PLD5: variants seen among roughly 807,000 people sequenced by gnomAD.
PLD5 encodes the protein inactive phospholipase D5.
Under a neutral mutation model 61.1 loss-of-function variants are expected in PLD5, and 36 were observed. The ratio of observed to expected loss-of-function variants is 0.59; its 90% CI spans 0.45 to 0.78. PLD5 has a LOEUF of 0.78. Among genes scored for constraint, PLD5 ranks in the 30% least tolerant of loss-of-function variants. The pLI is 0.00. For missense variants in PLD5, 515 were observed against 644.4 expected (o/e 0.80, Z 2.17); for synonymous variants, 243 against 242.8 (o/e 1.00, Z -0.01).
At chr1:242,518,051 T>C (rs1190981238) in intron 1 of PLD5, among the ~76,000 whole-genome samples, 1 of 152,184 alleles carries the variant, frequency 6.6e-6, no homozygotes, top group African/African-American at 2.4e-5. Flanking sequence ...AATATATTTA[T>C]CACCCAACGG....
At chr1:242,418,059 G>T (rs1664925928) in intron 1 of PLD5, among the ~76,000 whole-genome samples, 1 of 152,166 alleles carries the variant, frequency 6.6e-6, no homozygotes, top group Admixed American at 6.5e-5. Flanking sequence ...CAATCCAGGG[G>T]AGAAACATAA....
At chr1:242,426,028 C>G (rs1665403731) in intron 1 of PLD5, among the ~76,000 whole-genome samples, 1 of 152,176 alleles carries the variant, frequency 6.6e-6, no homozygotes, top group South Asian at 2.1e-4. Flanking sequence ...AATACAAACA[C>G]ATTGTACTGT....
chr1:242,365,889 A>G (rs1661314767), intron 1 of PLD5: 1 of 152,816 alleles, frequency 6.5e-6, no homozygotes, highest in Non-Finnish European at 1.5e-5. Flanking sequence ...AAGCTCATTC[A>G]AAAAAGATAG....
At chr1:242,170,457 A>T (rs1233698674) in intron 5 of PLD5, among the ~76,000 whole-genome samples, 1 of 152,226 alleles carries the variant, frequency 6.6e-6, no homozygotes, top group Non-Finnish European at 1.5e-5. Context: ...GGGAGAAACC[A>T]GTGCAAAAAT....
chr1:242,353,814 T>C (rs1660604280), intron 1 of PLD5, among the ~76,000 whole-genome samples: 1 of 152,140 alleles, frequency 6.6e-6, no homozygotes, highest in Non-Finnish European at 1.5e-5. Context: ...TTATACTTTT[T>C]GGTGTAAAAG....
chr1:242,248,268 G>C (rs1400667308), intron 4 of PLD5, among the ~76,000 whole-genome samples: 2 of 152,156 alleles, frequency 1.3e-5, no homozygotes, highest in Non-Finnish European at 2.9e-5. Context: ...TTTAAGCTAT[G>C]TATTCATCTC....
chr1:242,278,894 G>C (rs1674559194), intron 3 of PLD5, among the ~76,000 whole-genome samples: 2 of 152,180 alleles, frequency 1.3e-5, no homozygotes, highest in Admixed American at 1.3e-4. Context: ...GCAGGGAATA[G>C]ATGTTACTTT....
chr1:242,175,044 TAAAA>T (rs200603553), intron 5 of PLD5, among the ~76,000 whole-genome samples: 18 of 150,874 alleles, frequency 1.2e-4, no homozygotes, highest in African/African-American at 2.2e-4. Flanking sequence ...AGTATAATAA[TAAAA>T]AAAAACTATT....
rs1427250523 is a variant in PLD5 at position 242,256,293 on chromosome 1, G to A, written c.607+9044C>T. Among the ~76,000 whole-genome samples, 1 of 152,146 alleles carries A rather than the reference G, an allele frequency of 6.6e-6. No homozygotes were observed. The highest frequency in any genetic ancestry group is 1.5e-5 in the Non-Finnish European group (1 of 68,026). ...AAAAGTAACAGAAAGGAAACAATAT[G>A]GATAAAAAGATAGGGAAATCTAGAA... On this transcript the variant is annotated intron_variant, in intron 4 of 9. Coordinates refer to ENST00000536534, the MANE Select transcript of PLD5 (RefSeq NM_001372062.1). The surrounding 1 kb of genome is among the most constrained non-coding windows in gnomAD (Gnocchi z 5.7).
intron 4 of PLD5, among the ~76,000 whole-genome samples, chr1:242,247,742 A>G (rs1288150491): frequency 6.6e-6 from 1 of 152,080 alleles, no homozygotes; most frequent in African/African-American, 2.4e-5. Flanking sequence ...TTTTACTTCT[A>G]GTTTACAGTG....
intron 5 of PLD5, among the ~76,000 whole-genome samples, chr1:242,149,004 TTC>T (rs2148812480): frequency 6.6e-6 from 1 of 152,098 alleles, no homozygotes; most frequent in Admixed American, 6.5e-5. Flanking sequence ...TGCCTTTTAT[TTC>T]TTTTTCTTGC....
chr1:242,372,128 A>G lies in PLD5; in HGVS notation c.190-23886T>C, dbSNP rs536430410. ...ACCTTACATCACTGAAGGAATAAAA[A>G]TGTAGCCTGCAGCTCCTGTATATTC... On this transcript the variant is annotated intron_variant, in intron 1 of 9. Transcript: ENST00000536534. Among the ~76,000 whole-genome samples, 3 of 152,292 alleles carry G rather than the reference A, an allele frequency of 2.0e-5. No homozygotes were observed. In the East Asian group the frequency reaches 5.8e-4, roughly 29 times the overall value.
At chr1:242,134,768 G>C (rs1663573298) in intron 5 of PLD5, among the ~76,000 whole-genome samples, 1 of 152,146 alleles carries the variant, frequency 6.6e-6, no homozygotes, top group Non-Finnish European at 1.5e-5. Flanking sequence ...ACAGCAGTGG[G>C]AGCAACAAGG....
chr1:242,100,655 C>T lies in PLD5; in HGVS notation c.1354+13G>A. 2 of 1,605,484 alleles carry T rather than the reference C, an allele frequency of 1.2e-6. No homozygotes were observed. The highest frequency in any genetic ancestry group is 2.2e-5 in the South Asian group (2 of 90,884). Reference sequence around the variant, plus strand: ...GACCCCCACCCAAGGAGCTTCACAGCCCTGACACCTACCAATATAAGCTGC... The same window carrying T: ...GACCCCCACCCAAGGAGCTTCACAGTCCTGACACCTACCAATATAAGCTGC... On this transcript the variant is annotated intron_variant, in intron 9 of 9. Transcript: ENST00000536534.
intron 1 of PLD5, among the ~76,000 whole-genome samples, chr1:242,402,913 T>C (rs2149279952): frequency 6.6e-6 from 1 of 152,258 alleles, no homozygotes; most frequent in African/African-American, 2.4e-5. Flanking sequence ...TAGAAGTAAT[T>C]TACTGCAGCA....
chr1:242,241,423 A>G (rs1391111503), intron 4 of PLD5, among the ~76,000 whole-genome samples: 1 of 152,212 alleles, frequency 6.6e-6, no homozygotes, highest in African/African-American at 2.4e-5. Context: ...AAAACCTCTG[A>G]ACACTATGTT....
At chr1:242,121,348 G>A (rs1662345511) in intron 6 of PLD5, among the ~76,000 whole-genome samples, 1 of 152,128 alleles carries the variant, frequency 6.6e-6, no homozygotes, top group African/African-American at 2.4e-5. Context: ...TATAATAGAA[G>A]GGAGTTCAAG....
At chr1:242,143,278 C>G (rs1365618649) in intron 5 of PLD5, among the ~76,000 whole-genome samples, 1 of 151,934 alleles carries the variant, frequency 6.6e-6, no homozygotes, top group African/African-American at 2.4e-5. Flanking sequence ...GTCTTGAACT[C>G]CTGACCTCAA....
At chr1:242,111,835 G>T (rs1661529045) in intron 7 of PLD5, among the ~76,000 whole-genome samples, 1 of 152,104 alleles carries the variant, frequency 6.6e-6, no homozygotes, top group Non-Finnish European at 1.5e-5. Flanking sequence ...TACAATAAAA[G>T]AAGTTTCATT....
Sources: allele counts gnomAD v4.1 joint callset (sites outside exome capture counted in the v4.1 genomes callset), GRCh38; gene constraint gnomAD v4.1.1; non-coding constraint Gnocchi (gnomAD v3.1); transcripts MANE v1.5; gene names NCBI Gene and HGNC (gene_info 2026-07-23, HGNC 2026-07-21).